The following PCDH9 variants were observed in gnomAD, a reference collection of about 807,000 sequenced individuals.
PCDH9 encodes the protein protocadherin 9.
In PCDH9, 24 loss-of-function variants were observed where a neutral mutation model predicts 70.6. The ratio of observed to expected loss-of-function variants is 0.34; its 90% CI spans 0.25 to 0.48. The LOEUF (loss-of-function observed/expected upper bound fraction) is 0.48. Ranked by LOEUF, PCDH9 falls within the 20% of genes least tolerant of loss-of-function variation. The pLI is 0.99. For synonymous variants in PCDH9, 562 were observed against 558.5 expected, an observed-to-expected ratio of 1.01 and a Z score of -0.09; for missense variants, 1,281 against 1,503.6, an observed-to-expected ratio of 0.85 and a Z score of 2.45.
chr13:66,883,898 ATT>A lies in PCDH9; in HGVS notation c.3138+19604_3138+19605del, dbSNP rs539703609. Among the ~76,000 whole-genome samples the A allele has an allele frequency of 5.6e-3, 607 of 108,114 alleles. 3 individuals carry two copies. The highest frequency in any genetic ancestry group is 0.021 in the African/African-American group (534 of 26,014). The allele number at this position is 108,114 out of a possible 152,430, so 70.9% of individuals were successfully genotyped here. A position where few individuals can be genotyped will look rare whatever the true frequency, so the allele number is the denominator to read the frequency against. On this transcript the variant is annotated intron_variant, in intron 3 of 4. Transcript: ENST00000377865. ...GTTGTTCCCTTCATCTTGAGCGTTC[ATT>A]TTTTTTTTTTTTTTTTTTTTGAGTC...
chr13:66,780,259 T>C (rs1451852164), intron 3 of PCDH9, among the ~76,000 whole-genome samples: 8 of 152,174 alleles, frequency 5.3e-5, no homozygotes, highest in Non-Finnish European at 2.9e-5. Flanking sequence ...AAGGAAAGTT[T>C]GTTGATGGAA....
Position 66,585,381 on chromosome 13 carries a change from T to C in PCDH9, c.3340+45829A>G, listed in dbSNP as rs2138795627. Among the ~76,000 whole-genome samples the C allele has an allele frequency of 2.0e-5, 3 of 152,186 alleles. No individual in the cohort carries two copies. The South Asian group carries it at 6.2e-4, about 32-fold the overall frequency. ...ATCCCCCCCAAAAAATCTGACGCAA[T>C]TAAAATTAATGTAAAGGTATATCTC... On this transcript the variant is annotated intron_variant, in intron 4 of 4. Transcript: ENST00000377865.
At chr13:67,209,664 G>C (rs956024626) in intron 2 of PCDH9, 4 of 152,144 alleles carry the variant, frequency 2.6e-5, no homozygotes, top group Non-Finnish European at 5.9e-5. Flanking sequence ...TCAAGATTCA[G>C]AACCATCCTG....
intron 2 of PCDH9, chr13:66,996,417 T>C (rs1219473637): frequency 6.6e-6 from 1 of 152,006 alleles, no homozygotes. Context: ...GAATGAGTGA[T>C]TATAGTTTTA....
intron 2 of PCDH9, among the ~76,000 whole-genome samples, chr13:67,046,891 A>G (rs1166102462): frequency 1.3e-5 from 2 of 152,128 alleles, no homozygotes; most frequent in Non-Finnish European, 2.9e-5. Flanking sequence ...TAAGCACCTA[A>G]TATGTCAATA....
At chr13:66,528,661 T>A (rs570351067) in intron 4 of PCDH9, among the ~76,000 whole-genome samples, 7 of 152,152 alleles carry the variant, frequency 4.6e-5, no homozygotes, top group Admixed American at 2.6e-4. Context: ...AGAAAAGTAT[T>A]ACTTCAGCAC....
intron 3 of PCDH9, among the ~76,000 whole-genome samples, chr13:66,669,130 A>G (rs1252833272): frequency 6.6e-6 from 1 of 152,182 alleles, no homozygotes; most frequent in Non-Finnish European, 1.5e-5. Context: ...ATCTCAGGCT[A>G]CATCATGAAT....
rs116968136 is a variant in PCDH9, at chr13:66,442,091, A to G, written c.3341-137063T>C. Among the ~76,000 whole-genome samples, 638 of 152,242 alleles carry G rather than the reference A, an allele frequency of 4.2e-3. 21 individuals carry two copies. The East Asian group carries it at 0.081, about 19-fold the overall frequency. Reference sequence around the variant, plus strand: ...GTAATGTTTCCAACTACTTAAAGGGATGGGGAGGATTCTACCTCTTTCTAC... The same window carrying G: ...GTAATGTTTCCAACTACTTAAAGGGGTGGGGAGGATTCTACCTCTTTCTAC... On this transcript the variant is annotated intron_variant, in intron 4 of 4. Transcript: ENST00000377865.
intron 4 of PCDH9, among the ~76,000 whole-genome samples, chr13:66,508,527 C>G (rs1442493789): frequency 6.6e-6 from 1 of 152,100 alleles, no homozygotes; most frequent in African/African-American, 2.4e-5. Context: ...TACCAAAGAA[C>G]GGACCATTAC....
intron 3 of PCDH9, among the ~76,000 whole-genome samples, chr13:66,654,349 T>C (rs1364592139): frequency 1.3e-5 from 2 of 152,024 alleles, no homozygotes; most frequent in African/African-American, 4.8e-5. Context: ...GACATGGGGA[T>C]GGTTAATGGG....
At chr13:66,751,867 G>C (rs1009462411) in intron 3 of PCDH9, among the ~76,000 whole-genome samples, 11 of 152,196 alleles carry the variant, frequency 7.2e-5, no homozygotes, top group African/African-American at 2.7e-4. Flanking sequence ...AAACAGGAGT[G>C]CAGTGAAAAG....
chr13:66,846,133 G>T (rs201790710), intron 3 of PCDH9, among the ~76,000 whole-genome samples: 1 of 24,700 alleles, frequency 4.0e-5, no homozygotes, highest in Non-Finnish European at 9.9e-5. Flanking sequence ...GGGAAAAAAA[G>T]ACCAAAAAAA....
chr13:66,413,615 G>T (rs569514390), intron 4 of PCDH9, among the ~76,000 whole-genome samples: 22 of 152,076 alleles, frequency 1.4e-4, no homozygotes, highest in African/African-American at 5.1e-4. Context: ...GAACCTGGGA[G>T]GCGGAGCTTG....
intron 2 of PCDH9, among the ~76,000 whole-genome samples, chr13:67,154,990 G>A (rs1039939354): frequency 7.9e-5 from 12 of 151,832 alleles, no homozygotes; most frequent in South Asian, 6.2e-4. Flanking sequence ...GCATGAGCCT[G>A]GCCTATAATT....
chr13:66,971,057 A>G (rs1454017124), intron 2 of PCDH9, among the ~76,000 whole-genome samples: 1 of 151,950 alleles, frequency 6.6e-6, no homozygotes, highest in Non-Finnish European at 1.5e-5. Context: ...CAGCTTTCTA[A>G]CCACAGTTCT....
intron 3 of PCDH9, among the ~76,000 whole-genome samples, chr13:66,707,886 CTTAGA>C (rs2078732639): frequency 6.6e-6 from 1 of 152,092 alleles, no homozygotes; most frequent in Admixed American, 6.5e-5. Context: ...TTTTGCTCAT[CTTAGA>C]TAAGTATTTT....
At chr13:66,523,484 A>C (rs1209046302) in intron 4 of PCDH9, among the ~76,000 whole-genome samples, 1 of 152,032 alleles carries the variant, frequency 6.6e-6, no homozygotes, top group East Asian at 1.9e-4. Flanking sequence ...GTAGCACATA[A>C]TGTGTGTCTT....
At chr13:66,329,974 C>T (rs1955912935) in intron 4 of PCDH9, among the ~76,000 whole-genome samples, 2 of 152,142 alleles carry the variant, frequency 1.3e-5, no homozygotes, top group African/African-American at 4.8e-5. Context: ...GGTAGCTGTT[C>T]TGAATATAAA....
intron 2 of PCDH9, among the ~76,000 whole-genome samples, chr13:67,076,973 C>T (rs1311400148): frequency 6.6e-6 from 1 of 152,086 alleles, no homozygotes; most frequent in African/African-American, 2.4e-5. Context: ...GAACTCTTCC[C>T]ACCACGCTCA....
Sources: gnomAD v4.1 joint callset for allele counts (sites outside exome capture counted in the v4.1 genomes callset) on GRCh38, gnomAD v4.1.1 for gene constraint, MANE v1.5 for transcripts, NCBI Gene and HGNC (gene_info 2026-07-23, HGNC 2026-07-21) for gene names.